The following SUMF1 variants were observed in gnomAD, a reference collection of about 807,000 sequenced individuals.
SUMF1 encodes the protein sulfatase modifying factor 1.
In SUMF1, 48 loss-of-function variants were observed where a neutral mutation model predicts 47.6. The ratio of observed to expected loss-of-function variants is 1.01; its 90% CI spans 0.80 to 1.28. The LOEUF is 1.28. Among genes scored for constraint, SUMF1 ranks in the 50% most tolerant of loss-of-function variants. The pLI is 0.00. For synonymous variants in SUMF1, 230 were observed against 192.1 expected (o/e 1.20, Z -1.63); for missense variants, 571 against 485.4 (o/e 1.18, Z -1.66).
At chr3:4,092,657 T>C (rs1343540601) in intron 8 of SUMF1, among the ~76,000 whole-genome samples, 1 of 152,152 alleles carries the variant, frequency 6.6e-6, no homozygotes, top group Non-Finnish European at 1.5e-5. Flanking sequence ...ACTTATAGTA[T>C]AAAAGCAATA....
chr3:4,463,351 G>A (rs1455486777), intron 1 of SUMF1, among the ~76,000 whole-genome samples: 2 of 152,160 alleles, frequency 1.3e-5, no homozygotes, highest in South Asian at 2.1e-4. Context: ...TTGGCCAGGC[G>A]TGGTGGCAGG....
intron 8 of SUMF1, among the ~76,000 whole-genome samples, chr3:4,260,649 C>G (rs894879041): frequency 6.6e-6 from 1 of 152,050 alleles, no homozygotes; most frequent in African/African-American, 2.4e-5. Flanking sequence ...GCATGAGAAT[C>G]GCCTGAACCC....
intron 7 of SUMF1, among the ~76,000 whole-genome samples, chr3:4,384,486 A>G (rs774445388): frequency 3.9e-5 from 6 of 151,968 alleles, no homozygotes; most frequent in Non-Finnish European, 7.4e-5. Flanking sequence ...CCCAACCCCA[A>G]CCCCTTCTTA....
intron 8 of SUMF1, among the ~76,000 whole-genome samples, chr3:4,309,866 A>G (rs76806074): frequency 0.012 from 1,861 of 152,326 alleles, 21 homozygotes; most frequent in African/African-American, 0.038. Context: ...TACAGTTATT[A>G]TTTAACTATG....
At chr3:4,388,739 T>G (rs938383550) in intron 7 of SUMF1, among the ~76,000 whole-genome samples, 3 of 152,128 alleles carry the variant, frequency 2.0e-5, no homozygotes, top group Non-Finnish European at 4.4e-5. Context: ...TTGTGTAGCT[T>G]TTTTAGTGGC....
intron 7 of SUMF1, among the ~76,000 whole-genome samples, chr3:4,405,747 T>G (rs1453791971): frequency 6.6e-6 from 1 of 152,204 alleles, no homozygotes; most frequent in African/African-American, 2.4e-5. Flanking sequence ...CTTTCCAAAA[T>G]GTGTCTAGAG....
At chr3:4,241,606 T>A (rs1455330143) in intron 8 of SUMF1, among the ~76,000 whole-genome samples, 1 of 152,158 alleles carries the variant, frequency 6.6e-6, no homozygotes, top group Non-Finnish European at 1.5e-5. Flanking sequence ...ATAATAAAAT[T>A]TTCTTTCTAT....
At chr3:4,322,848 T>A (rs1358448490) in intron 8 of SUMF1, among the ~76,000 whole-genome samples, 1 of 151,922 alleles carries the variant, frequency 6.6e-6, no homozygotes, top group Non-Finnish European at 1.5e-5. Context: ...ATGGATCCAA[T>A]AGAATTGAAA....
intron 3 of SUMF1, among the ~76,000 whole-genome samples, chr3:4,425,407 AT>A (rs1264389052): frequency 6.6e-6 from 1 of 152,186 alleles, no homozygotes; most frequent in Admixed American, 6.5e-5. Context: ...ACTACTATTC[AT>A]TTATGTTATT....
At chr3:4,161,211 G>A (rs2125113828) in intron 8 of SUMF1, among the ~76,000 whole-genome samples, 1 of 152,270 alleles carries the variant, frequency 6.6e-6, no homozygotes, top group South Asian at 2.1e-4. Context: ...GCTGCCTGGA[G>A]CTAGGGGAGG....
intron 8 of SUMF1, among the ~76,000 whole-genome samples, chr3:4,351,910 T>A (rs986937411): frequency 3.9e-5 from 6 of 152,174 alleles, no homozygotes; most frequent in African/African-American, 1.4e-4. Context: ...CTAGAAGTAC[T>A]TGCACATAAT....
chr3:4,208,490 A>G (rs1329757360), intron 8 of SUMF1, among the ~76,000 whole-genome samples: 2 of 148,030 alleles, frequency 1.4e-5, no homozygotes, highest in African/African-American at 5.0e-5. Flanking sequence ...AAAAACTGTG[A>G]GGAGACAAAA....
At position 4,467,221 on chromosome 3, in the gene SUMF1, C is replaced by G. The variant is rs747445470; in HGVS notation, c.25G>C (p.Val9Leu). 32 of 1,611,534 alleles carry G rather than the reference C, an allele frequency of 2.0e-5. No homozygotes were observed. The highest frequency in any genetic ancestry group is 2.7e-5 in the African/African-American group (2 of 74,994). Reference protein sequence around the residue: MAAPALGLVCGRCPELGLV... With the variant: MAAPALGLLCGRCPELGLV... ...CCCAGCTCAGGGCAACGTCCACACA[C>G]CAGCCCTAGTGCGGGCGCAGCCATG... The change falls in exon 1 of 9, where the codon GTG becomes CTG. Residue 9 changes from valine (V) to leucine (L), a missense_variant. By Grantham distance (32) the Val-to-Leu change is conservative (BLOSUM62 1). Coordinates refer to ENST00000272902, the MANE Select transcript of SUMF1 (RefSeq NM_182760.4).
chr3:4,336,516 G>A (rs1699156565), intron 8 of SUMF1, among the ~76,000 whole-genome samples: 1 of 152,206 alleles, frequency 6.6e-6, no homozygotes, highest in Non-Finnish European at 1.5e-5. Context: ...AAAAGTATTG[G>A]TGGCTTGATT....
chr3:4,323,180 T>C (rs1002196781), intron 8 of SUMF1, among the ~76,000 whole-genome samples: 4 of 152,216 alleles, frequency 2.6e-5, no homozygotes, highest in African/African-American at 9.6e-5. Context: ...TATTGTTTGG[T>C]CATAATATTA....
intron 3 of SUMF1, among the ~76,000 whole-genome samples, chr3:4,421,524 G>A (rs1404164757): frequency 6.6e-6 from 1 of 152,082 alleles, no homozygotes; most frequent in Non-Finnish European, 1.5e-5. Context: ...CTGTCCCCTA[G>A]GCTGGAGAAC....
At chr3:4,418,754 C>T (rs575552673) in intron 4 of SUMF1, among the ~76,000 whole-genome samples, 1 of 152,314 alleles carries the variant, frequency 6.6e-6, no homozygotes, top group East Asian at 1.9e-4. Context: ...ACCTGTGACC[C>T]TTGGCTTTCA....
intron 8 of SUMF1, chr3:4,317,616 T>G (rs1698717010): frequency 6.4e-6 from 1 of 156,756 alleles, no homozygotes; most frequent in African/African-American, 2.4e-5. Flanking sequence ...AAGCTTTTCT[T>G]TAAAAAAATT....
At chr3:4,382,039 ACT>A (rs1193440063) in intron 7 of SUMF1, among the ~76,000 whole-genome samples, 1 of 152,084 alleles carries the variant, frequency 6.6e-6, no homozygotes, top group Non-Finnish European at 1.5e-5. Flanking sequence ...GGAATGAGAA[ACT>A]CTGTCTCAGG....
Sources: allele counts gnomAD v4.1 joint callset (sites outside exome capture counted in the v4.1 genomes callset), GRCh38; gene constraint gnomAD v4.1.1; transcripts MANE v1.5; gene names NCBI Gene and HGNC (gene_info 2026-07-23, HGNC 2026-07-21).